Variants in LINGO1 observed in about 807,000 individuals in gnomAD.
LINGO1 encodes the protein leucine-rich repeat and immunoglobulin-like domain-containing nogo receptor-interacting protein 1.
In LINGO1, 11 loss-of-function variants were observed where a neutral mutation model predicts 37.3. The ratio of observed to expected loss-of-function variants is 0.29; its 90% CI spans 0.19 to 0.49. The LOEUF (loss-of-function observed/expected upper bound fraction) is 0.49. Ranked by LOEUF, LINGO1 falls within the 20% of genes least tolerant of loss-of-function variation. LINGO1 has a pLI of 0.99. For synonymous variants in LINGO1, 387 were observed against 403.0 expected, an observed-to-expected ratio of 0.96 and a Z score of 0.48; for missense variants, 585 against 878.2, an observed-to-expected ratio of 0.67 and a Z score of 4.22.
rs1478766011 is a variant in LINGO1, at chr15:77,655,546, G to A, written c.-13+21543C>T. On this transcript the variant is annotated intron_variant, in intron 3 of 3. Transcript: ENST00000559893. ...GTGTCCCCAGTGGATGCCGGCAACC[G>A]TGACCTGGGTGACCATACCAATAGC... Among the ~76,000 whole-genome samples, 4 of 152,048 alleles carry A rather than the reference G, an allele frequency of 2.6e-5. 1 individual carries two copies. The East Asian group carries it at 7.7e-4, about 29-fold the overall frequency.
chr15:77,680,066 G>A (rs1045782405), intron 2 of LINGO1, among the ~76,000 whole-genome samples: 14 of 152,234 alleles, frequency 9.2e-5, no homozygotes, highest in African/African-American at 2.4e-4. Context: ...GAACAAAAGC[G>A]ATGCGTGTCA....
At chr15:77,790,627 G>A (rs2076811255), upstream of LINGO1, among the ~76,000 whole-genome samples, 3 of 152,190 alleles carry the variant, frequency 2.0e-5, no homozygotes, top group Non-Finnish European at 2.9e-5. Context: ...GAAGGCAGGG[G>A]TGGAGGGAGG....
At chr15:77,633,133 G>A (rs1187066162), upstream of LINGO1, among the ~76,000 whole-genome samples, 1 of 151,858 alleles carries the variant, frequency 6.6e-6, no homozygotes, top group Non-Finnish European at 1.5e-5. Flanking sequence ...GTGCGCAGGC[G>A]AGGGGCGCAC....
chr15:77,820,503 T>C (rs2077088437), upstream of LINGO1, among the ~76,000 whole-genome samples: 5 of 152,280 alleles, frequency 3.3e-5, no homozygotes, highest in South Asian at 1.0e-3. Context: ...CGCCCTGGAC[T>C]GCGTGGCGGG....
chr15:77,702,514 A>G (rs1158524596), intron 2 of LINGO1, among the ~76,000 whole-genome samples: 5 of 152,186 alleles, frequency 3.3e-5, no homozygotes, highest in African/African-American at 1.2e-4. Context: ...AACAAAACAC[A>G]GGCTGCATGC....
chr15:77,687,809 G>T (rs1225802226), intron 2 of LINGO1, among the ~76,000 whole-genome samples: 1 of 152,206 alleles, frequency 6.6e-6, no homozygotes, highest in African/African-American at 2.4e-5. Context: ...GCAGCATTGA[G>T]ATGCACAACC....
In LINGO1 at chr15:77,614,751, G is replaced by A. The variant is rs1239872748; in HGVS notation, c.1156C>T (p.Arg386Trp). 1.2e-6 allele frequency: 2 copies of A among 1,606,012 alleles called. No homozygotes were observed. Among genetic ancestry groups the A allele is most frequent in the South Asian group, 1.1e-5 (1 of 89,788 alleles). ...RLLWVFRRRW[R>W]LNFNRQQPTC... ...GGCTGCTGCCGGTTGAAGTTGAGCCGCCAGCGGCGCCGGAACACCCACAGG... is the reference window on the plus strand; with the variant it reads ...GGCTGCTGCCGGTTGAAGTTGAGCCACCAGCGGCGCCGGAACACCCACAGG... Residue 386 changes from arginine (R) to tryptophan (W), a missense_variant, in exon 2 of 2, where the codon CGG becomes TGG. By Grantham distance (101) the Arg-to-Trp change is moderately radical. Around this residue, in one of 4 missense-constraint regions of LINGO1, gnomAD observed 484 missense variants for 735.0 expected, o/e 0.66. Coordinates refer to ENST00000355300, the MANE Select transcript of LINGO1 (RefSeq NM_032808.7).
chr15:77,802,469 C>T (rs1285514105), intron 1 of LINGO1, among the ~76,000 whole-genome samples: 1 of 151,954 alleles, frequency 6.6e-6, no homozygotes, highest in African/African-American at 2.4e-5. Context: ...AGCCAGGAGG[C>T]CTGCAGAGGG....
At position 77,615,736 on chromosome 15, in the gene LINGO1, G is replaced by A. The variant is rs777177174; in HGVS notation, c.171C>T (p.Cys57=). 1.8e-5 allele frequency: 29 copies of A among 1,592,922 alleles called. No individual in the cohort carries two copies. The highest frequency in any genetic ancestry group is 2.4e-5 in the Non-Finnish European group (28 of 1,172,822). ...ECSAQDRAVL[C]HRKRFVAVPE... is the part of the protein sequence containing the mutation. ...GGACTGCCACAAAGCGCTTGCGGTG[G>A]CACAGCACAGCGCGGTCCTGGGCGG... The change falls in exon 2 of 2, where the codon TGC becomes TGT. Residue 57 remains cysteine (C), a synonymous_variant. Coordinates refer to ENST00000355300, the MANE Select transcript of LINGO1 (RefSeq NM_032808.7).
intron 3 of LINGO1, among the ~76,000 whole-genome samples, chr15:77,662,202 C>T (rs182318597): frequency 6.6e-4 from 101 of 152,296 alleles, no homozygotes; most frequent in Non-Finnish European, 1.1e-3. Context: ...TGCACAGCCC[C>T]AGTCAGGTAG....
chr15:77,788,742 G>C (rs1009901042), upstream of LINGO1: 4 of 152,240 alleles, frequency 2.6e-5, no homozygotes, highest in Admixed American at 2.6e-4. Context: ...AAAACAGGCA[G>C]GCAGACTAGT....
At chr15:77,805,754 G>A (rs2076954633) in intron 1 of LINGO1, among the ~76,000 whole-genome samples, 1 of 152,180 alleles carries the variant, frequency 6.6e-6, no homozygotes, top group Non-Finnish European at 1.5e-5. Context: ...GGCCCCTGTA[G>A]GCTCCAAGGG....
upstream of LINGO1, among the ~76,000 whole-genome samples, chr15:77,699,620 GCACAAACTAAA>G (rs2075748336): frequency 3.0e-5 from 2 of 67,128 alleles, no homozygotes; most frequent in African/African-American, 1.2e-4. Context: ...ACCATCATCT[GCACAAACTAAA>G]CACATACTAA....
At chr15:77,741,553 G>A (rs2076264479) in intron 1 of LINGO1, among the ~76,000 whole-genome samples, 1 of 152,124 alleles carries the variant, frequency 6.6e-6, no homozygotes, top group Non-Finnish European at 1.5e-5. Flanking sequence ...TGGAAACAGG[G>A]CCTGGCCACC....
chr15:77,666,845 C>T (rs1596076716), intron 3 of LINGO1: 1 of 152,356 alleles, frequency 6.6e-6, no homozygotes, highest in East Asian at 1.9e-4. Context: ...CAGAGCAGCC[C>T]CAGACTAGGC....
intron 2 of LINGO1, among the ~76,000 whole-genome samples, chr15:77,703,185 C>T (rs2075806198): frequency 6.6e-6 from 1 of 152,200 alleles, no homozygotes; most frequent in Non-Finnish European, 1.5e-5. Flanking sequence ...TCCAACTCTC[C>T]CTGAGTCCCT....
chr15:77,711,353 C>T (rs942892192), intron 2 of LINGO1, among the ~76,000 whole-genome samples: 1 of 152,218 alleles, frequency 6.6e-6, no homozygotes, highest in African/African-American at 2.4e-5. Context: ...TCTGTGTCCC[C>T]GACATTGAAG....
intron 1 of LINGO1, among the ~76,000 whole-genome samples, chr15:77,814,806 G>C (rs2077034985): frequency 1.3e-5 from 2 of 152,218 alleles, no homozygotes; most frequent in Non-Finnish European, 2.9e-5. Flanking sequence ...AAGTCTCAGA[G>C]TTTCAGAATC....
At chr15:77,780,823 GC>G (rs138965659) in intron 1 of LINGO1, among the ~76,000 whole-genome samples, 4,105 of 151,580 alleles carry the variant, frequency 0.027, 168 homozygotes, top group African/African-American at 0.094. Context: ...CCATAGGCAA[GC>G]CAGGAAGAGA....
Sources: allele counts gnomAD v4.1 joint callset (sites outside exome capture counted in the v4.1 genomes callset), GRCh38; gene constraint gnomAD v4.1.1; regional missense constraint gnomAD v4.1.1; transcripts MANE v1.5; gene names NCBI Gene and HGNC (gene_info 2026-07-23, HGNC 2026-07-21).